TEX2: variants seen among roughly 807,000 people sequenced by gnomAD.
The protein encoded by TEX2 is testis expressed 2.
TEX2 carries 53 observed loss-of-function variants against 106.9 expected under a neutral mutation model. That is an observed-to-expected ratio of 0.50 (90% CI 0.40 to 0.62). The LOEUF (loss-of-function observed/expected upper bound fraction) is 0.62. TEX2 is among the 20% of genes least tolerant of loss of function. The pLI is 0.00. For missense variants in TEX2, 1,207 were observed against 1,379.0 expected (o/e 0.88, Z 1.98); for synonymous variants, 523 against 534.8 (o/e 0.98, Z 0.30).
At chr17:64,188,067 T>C in intron 5 of TEX2, 101 bp downstream of exon 5, 2 of 1,380,614 alleles carry the variant, frequency 1.4e-6, no homozygotes, top group South Asian at 1.3e-5. Flanking sequence ...TGTGTACCAC[T>C]GTTATCCCAG....
At chr17:64,260,321 G>A (rs2034267067) in intron 1 of TEX2, among the ~76,000 whole-genome samples, 1 of 152,164 alleles carries the variant, frequency 6.6e-6, no homozygotes, top group African/African-American at 2.4e-5. Context: ...AAACAACGTG[G>A]TACAATGGAA....
intron 2 of TEX2, among the ~76,000 whole-genome samples, chr17:64,203,910 A>T (rs2032749769): frequency 6.6e-6 from 1 of 152,248 alleles, no homozygotes; most frequent in Non-Finnish European, 1.5e-5. Context: ...CCTCCAGTGC[A>T]GAATCTCCCA....
chr17:64,193,729 T>C lies in TEX2; in HGVS notation c.2006A>G (p.Lys669Arg), dbSNP rs1299871407. 5 of 1,613,652 alleles carry C rather than the reference T, an allele frequency of 3.1e-6. No homozygotes were observed. The highest frequency in any genetic ancestry group is 4.2e-6 in the Non-Finnish European group (5 of 1,179,714). ...TCCCTCCTGAGGGCGGGGTGGCTTC[T>C]TAGGGTCCTCACTTCCCTCAGCTGG... ...KPPAEGSEDP[K>R]KPPRPQEGTR... is the part of the protein sequence containing the mutation. The change falls in exon 4 of 12, where the codon AAG becomes AGG. Residue 669 changes from lysine to arginine, a missense_variant. Lys to Arg is a conservative substitution (Grantham distance 26). Transcript: ENST00000584379.
intron 1 of TEX2, among the ~76,000 whole-genome samples, chr17:64,232,420 T>G (rs1555634726): frequency 6.6e-6 from 1 of 152,246 alleles, no homozygotes; most frequent in African/African-American, 2.4e-5. Context: ...TGTATTATTC[T>G]TCCATTTCAA....
intron 1 of TEX2, among the ~76,000 whole-genome samples, chr17:64,253,196 T>C (rs1437767352): frequency 2.0e-5 from 3 of 152,178 alleles, no homozygotes; most frequent in South Asian, 2.1e-4. Flanking sequence ...CTGGATGCAG[T>C]GGTGTGATCA....
intron 4 of TEX2, among the ~76,000 whole-genome samples, chr17:64,189,922 T>C (rs1228667222): frequency 6.6e-6 from 1 of 150,882 alleles, no homozygotes; most frequent in African/African-American, 2.4e-5. Context: ...GAGGCGGAGG[T>C]TGCAGTGAGC....
chr17:64,194,996 A>C lies in TEX2; in HGVS notation c.1744T>G (p.Ser582Ala). ...VRLEGGTLRL[S>A]KPNKNISRRA... ...CTGGATATATTTTTATTGGGCTTTG[A>C]AAGTCTTAAGGTTCCACCCTCAAGT... Residue 582 changes from serine to alanine, a missense_variant, in exon 3 of 12, where the codon TCA (serine) becomes GCA (alanine). Around this residue, in one of 3 missense-constraint regions of TEX2, gnomAD observed 1,067 missense variants for 1,193.6 expected, o/e 0.89. Transcript: ENST00000584379. 1 of 1,614,166 alleles carries C rather than the reference A, an allele frequency of 6.2e-7. No homozygotes were observed. The highest frequency in any genetic ancestry group is 1.3e-5 in the African/African-American group (1 of 75,034).
At chr17:64,233,510 T>C (rs1598212144) in intron 1 of TEX2, among the ~76,000 whole-genome samples, 2 of 151,992 alleles carry the variant, frequency 1.3e-5, no homozygotes, top group Non-Finnish European at 2.9e-5. Flanking sequence ...AGGGTGGAGG[T>C]TGCAGTGAGC....
At chr17:64,171,047 T>C in intron 7 of TEX2, 53 bp downstream of exon 7, 1 of 1,422,816 alleles carries the variant, frequency 7.0e-7, no homozygotes, top group Non-Finnish European at 9.9e-7. Context: ...TGGTACTGAA[T>C]CTGCAGCAAA....
Position 64,195,191 on chromosome 17 carries a change from C to T in TEX2, c.1645-96G>A, listed in dbSNP as rs1487552869. 1.8e-6 allele frequency: 2 copies of T among 1,095,978 alleles called. No individual in the cohort carries two copies. Among genetic ancestry groups the T allele is most frequent in the Non-Finnish European group, 2.7e-6 (2 of 739,114 alleles). 67.9% of individuals were successfully genotyped at this position (1,095,978 alleles called of 1,614,324 possible). On this transcript the variant is annotated intron_variant, in intron 2 of 11. Transcript: ENST00000584379. This position sits in a 1 kb window ranked among gnomAD's most constrained non-coding sequence, Gnocchi z 4.1. The stretch of plus-strand genomic sequence containing the variant: ...ACTGTGGTATTTGGGACACTGAAAC[C>T]AAACTTGATCACGACACAGATATCA...
chr17:64,158,963 T>C (rs1275681056), intron 8 of TEX2, among the ~76,000 whole-genome samples: 4 of 152,220 alleles, frequency 2.6e-5, no homozygotes, highest in African/African-American at 7.2e-5. Flanking sequence ...AAAAAAATAG[T>C]ACTTTAGAAA....
At chr17:64,256,128 A>G (rs1174743056) in intron 1 of TEX2, 1 of 152,224 alleles carries the variant, frequency 6.6e-6, no homozygotes, top group African/African-American at 2.4e-5. Context: ...CAGCTGTCTT[A>G]GTTTTACCTT....
At chr17:64,183,152 C>T (rs1490550792) in intron 5 of TEX2, among the ~76,000 whole-genome samples, 2 of 152,232 alleles carry the variant, frequency 1.3e-5, no homozygotes, top group Non-Finnish European at 2.9e-5. Flanking sequence ...GTAATCCACC[C>T]ACCTCAGCCT....
At chr17:64,182,350 A>G (rs2031910595) in intron 5 of TEX2, among the ~76,000 whole-genome samples, 1 of 152,174 alleles carries the variant, frequency 6.6e-6, no homozygotes, top group Admixed American at 6.5e-5. Context: ...CTGTTTAATG[A>G]GTATAGAGTT....
chr17:64,152,832 T>C, intron 10 of TEX2, 113 bp downstream of exon 10: 1 of 1,050,458 alleles, frequency 9.5e-7, no homozygotes, highest in Non-Finnish European at 1.4e-6. Flanking sequence ...TGTTTGGAAG[T>C]GCTTCTGCCC....
At position 64,147,528 on chromosome 17, in the gene TEX2, A is replaced by G. The variant is rs1195502030; in HGVS notation, c.*1441T>C. 6.6e-6 allele frequency: 1 copy of G among 152,396 alleles called. No individual in the cohort carries two copies. Among genetic ancestry groups the G allele is most frequent in the African/African-American group, 2.4e-5 (1 of 41,464 alleles). The allele number at this position is 152,396 out of a possible 1,614,324, so 9.4% of individuals were successfully genotyped here. On this transcript the variant is annotated 3_prime_UTR_variant, in exon 12 of 12. Transcript: ENST00000584379. ...TGATTAAGTGCAACATGGTACAGTCATGTGTAATCTCTTTACACGATAGTG... is the reference window on the plus strand; with the variant it reads ...TGATTAAGTGCAACATGGTACAGTCGTGTGTAATCTCTTTACACGATAGTG...
At chr17:64,232,938 C>T (rs982132322) in intron 1 of TEX2, among the ~76,000 whole-genome samples, 1 of 152,204 alleles carries the variant, frequency 6.6e-6, no homozygotes, top group African/African-American at 2.4e-5. Flanking sequence ...CTGATCATCC[C>T]TAATCATTAC....
In TEX2 at chr17:64,173,498, T is replaced by C. The variant is rs550600487; in HGVS notation, c.2572-2299A>G. On this transcript the variant is annotated intron_variant, in intron 6 of 11. Coordinates refer to ENST00000584379, the MANE Select transcript of TEX2 (RefSeq NM_001288732.2). ...TGCAGAGAAACATAAGCTTTCAGGA[T>C]TCACCAATCAGAGAATGTAATCTCT... 7.9e-5 allele frequency among the ~76,000 whole-genome samples: 12 copies of C among 152,316 alleles called. No individual in the cohort carries two copies. The South Asian group carries it at 1.9e-3, about 24-fold the overall frequency.
rs541444898 is a variant in TEX2 at position 64,191,005 on chromosome 17, T to C, written c.2176+2554A>G. 5.3e-5 allele frequency among the ~76,000 whole-genome samples: 8 copies of C among 152,356 alleles called. No homozygotes were observed. In the East Asian group the frequency reaches 1.5e-3, roughly 29 times the overall value. On this transcript the variant is annotated intron_variant, in intron 4 of 11. Coordinates refer to ENST00000584379, the MANE Select transcript of TEX2 (RefSeq NM_001288732.2). ...TCCTACCTTCACGGCTGACCACCTA[T>C]GTAGTCACTGATTCAGAGATGGTTT...
Sources: allele counts gnomAD v4.1 joint callset (sites outside exome capture counted in the v4.1 genomes callset), GRCh38; gene constraint gnomAD v4.1.1; regional missense constraint gnomAD v4.1.1; non-coding constraint Gnocchi (gnomAD v3.1); transcripts MANE v1.5; gene names NCBI Gene and HGNC (gene_info 2026-07-23, HGNC 2026-07-21).